PPFIA2: variants seen among roughly 807,000 people sequenced by gnomAD.
PPFIA2 encodes PPFI scaffold protein A2.
A neutral mutation model predicts 175.5 loss-of-function variants in PPFIA2; 46 were observed. That is an observed-to-expected ratio of 0.26 (90% CI 0.21 to 0.34). PPFIA2 has a LOEUF of 0.34. Among genes scored for constraint, PPFIA2 ranks in the 10% least tolerant of loss-of-function variants. PPFIA2 has a pLI of 1.00. For synonymous variants in PPFIA2, 568 were observed against 511.4 expected (o/e 1.11, Z -1.49); for missense variants, 1,179 against 1,506.1 (o/e 0.78, Z 3.60).
chr12:81,593,840 G>A (rs535823504), intron 4 of PPFIA2, among the ~76,000 whole-genome samples: 1 of 152,164 alleles, frequency 6.6e-6, no homozygotes, highest in Non-Finnish European at 1.5e-5. Flanking sequence ...TTTATGCCAA[G>A]CTGGGAAGAT....
intron 4 of PPFIA2, among the ~76,000 whole-genome samples, chr12:81,617,427 C>T (rs760557436): frequency 2.6e-5 from 4 of 152,118 alleles, no homozygotes; most frequent in Admixed American, 6.5e-5. Flanking sequence ...GCAAGTTATT[C>T]ACATGTTATT....
At chr12:81,630,881 CTATATATATATA>C (rs67242917) in intron 4 of PPFIA2, among the ~76,000 whole-genome samples, 1 of 140,664 alleles carries the variant, frequency 7.1e-6, no homozygotes, top group Non-Finnish European at 1.5e-5. Flanking sequence ...TATGGAAAGG[CTATATATATATA>C]TATATATTTT....
chr12:81,575,237 T>C lies in PPFIA2; in HGVS notation c.303+101554A>G, dbSNP rs1595140306. 2.6e-5 allele frequency among the ~76,000 whole-genome samples: 4 copies of C among 151,968 alleles called. 1 individual carries two copies. The South Asian group carries it at 8.3e-4, about 31-fold the overall frequency. On this transcript the variant is annotated intron_variant, in intron 4 of 32. Transcript: ENST00000549396. ...TAGTTTCTGAAAGTGAAGATATATG[T>C]ATTTAAGATATCTGGAAACTATAGA...
chr12:81,417,658 A>T (rs1473076140), intron 7 of PPFIA2, among the ~76,000 whole-genome samples: 1 of 151,760 alleles, frequency 6.6e-6, no homozygotes, highest in African/African-American at 2.4e-5. Context: ...CATTTACTTC[A>T]GTTCTAATGG....
chr12:81,559,032 T>C (rs955725570), intron 4 of PPFIA2, among the ~76,000 whole-genome samples: 27 of 152,182 alleles, frequency 1.8e-4, no homozygotes, highest in African/African-American at 6.5e-4. Flanking sequence ...TCAGAGTTAA[T>C]AGCCCTGAAA....
In PPFIA2 at chr12:81,259,626, T is replaced by C. The variant is rs2034674599; in HGVS notation, c.*68A>G. On this transcript the variant is annotated 3_prime_UTR_variant, in exon 33 of 33. Coordinates refer to ENST00000549396, the MANE Select transcript of PPFIA2 (RefSeq NM_003625.5). The stretch of plus-strand genomic sequence containing the variant: ...CACTGCTCGTCTTCTTAGATGGTAG[T>C]GCACTTTAGGTAGAGTAGACTGAAA... 1.3e-6 allele frequency: 2 copies of C among 1,533,440 alleles called. No homozygotes were observed. Among genetic ancestry groups the C allele is most frequent in the South Asian group, 1.2e-5 (1 of 83,980 alleles). 95.0% of individuals were successfully genotyped at this position (1,533,440 alleles called of 1,614,324 possible).
At chr12:81,301,207 A>G (rs1312940862) in intron 22 of PPFIA2, among the ~76,000 whole-genome samples, 1 of 152,066 alleles carries the variant, frequency 6.6e-6, no homozygotes, top group East Asian at 1.9e-4. Flanking sequence ...TTAACATGAA[A>G]TACGTGGAAG....
intron 4 of PPFIA2, among the ~76,000 whole-genome samples, chr12:81,533,114 A>G (rs2064832387): frequency 1.3e-5 from 2 of 151,706 alleles, no homozygotes; most frequent in African/African-American, 4.8e-5. Context: ...CAGTGTTACC[A>G]ATATCTTGGT....
intron 4 of PPFIA2, among the ~76,000 whole-genome samples, chr12:81,486,110 T>G (rs150454870): frequency 3.0e-4 from 46 of 152,042 alleles, no homozygotes; most frequent in Non-Finnish European, 6.0e-4. Context: ...ATAGTAAATA[T>G]AATTTCACTA....
intron 4 of PPFIA2, among the ~76,000 whole-genome samples, chr12:81,516,402 T>C (rs550733990): frequency 3.3e-5 from 5 of 152,310 alleles, no homozygotes; most frequent in African/African-American, 1.2e-4. Flanking sequence ...TTCACTTTGT[T>C]GTTATGGGTT....
intron 3 of PPFIA2, among the ~76,000 whole-genome samples, chr12:81,715,658 T>C (rs1304961376): frequency 6.6e-6 from 1 of 151,772 alleles, no homozygotes; most frequent in Non-Finnish European, 1.5e-5. Context: ...ATGAGAAATA[T>C]ATTTGTAATT....
intron 4 of PPFIA2, among the ~76,000 whole-genome samples, chr12:81,602,876 A>G (rs1283930686): frequency 6.6e-6 from 1 of 151,828 alleles, no homozygotes; most frequent in African/African-American, 2.4e-5. Context: ...GCAAATATCC[A>G]TGTCCTTGTA....
At chr12:81,304,428 C>A (rs1173761492) in intron 22 of PPFIA2, among the ~76,000 whole-genome samples, 2 of 152,126 alleles carry the variant, frequency 1.3e-5, no homozygotes, top group Non-Finnish European at 2.9e-5. Context: ...TTTGTATAAA[C>A]ACATATACAC....
At chr12:81,270,978 A>T (rs904152113) in intron 28 of PPFIA2, 1 of 152,332 alleles carries the variant, frequency 6.6e-6, no homozygotes, top group Non-Finnish European at 1.5e-5. Context: ...TAAAGTTTAT[A>T]TTCTGATATT....
In PPFIA2 at chr12:81,432,154, ATGGCATAAAG is replaced by A. The variant is rs562856071; in HGVS notation, c.645+7808_645+7817del. Among the ~76,000 whole-genome samples the A allele has an allele frequency of 2.3e-4, 35 of 152,326 alleles. No homozygotes were observed. In the East Asian group the frequency reaches 6.4e-3, roughly 28 times the overall value. On this transcript the variant is annotated intron_variant, in intron 7 of 32. Transcript: ENST00000549396. ...AAGTGTGCCCTTTAAGTACTACTCA[ATGGCATAAAG>A]TACATTCACATTGTTAATCAGCCAT...
chr12:81,565,832 A>G (rs529376760), intron 4 of PPFIA2, among the ~76,000 whole-genome samples: 52 of 152,300 alleles, frequency 3.4e-4, no homozygotes, highest in African/African-American at 1.1e-3. Flanking sequence ...CAAAAATGTC[A>G]TGGGTAATGC....
chr12:81,484,231 T>TA lies in PPFIA2; in HGVS notation c.304-26366dup, dbSNP rs148164391. On this transcript the variant is annotated intron_variant, in intron 4 of 32. Coordinates refer to ENST00000549396, the MANE Select transcript of PPFIA2 (RefSeq NM_003625.5). Reference sequence around the variant, plus strand: ...TCTTGAGGTGGCTGTAATGGACAAATAAAAAAAAATAGTCCACACTATTTT... The same window carrying TA: ...TCTTGAGGTGGCTGTAATGGACAAATAAAAAAAAAATAGTCCACACTATTTT... 2.4e-4 allele frequency among the ~76,000 whole-genome samples: 36 copies of TA among 150,824 alleles called. 1 individual carries two copies. In the East Asian group the frequency reaches 4.5e-3, roughly 19 times the overall value.
intron 4 of PPFIA2, among the ~76,000 whole-genome samples, chr12:81,619,597 A>G (rs1328285754): frequency 6.6e-6 from 1 of 152,174 alleles, no homozygotes; most frequent in Non-Finnish European, 1.5e-5. Flanking sequence ...ATTTTTGCAA[A>G]CAAAATGCTA....
chr12:81,694,070 TA>T (rs985194439), intron 3 of PPFIA2, among the ~76,000 whole-genome samples: 1 of 152,100 alleles, frequency 6.6e-6, no homozygotes, highest in Non-Finnish European at 1.5e-5. Flanking sequence ...AATTTATGTT[TA>T]AAAAAACAAT....
Sources: allele counts gnomAD v4.1 joint callset (sites outside exome capture counted in the v4.1 genomes callset), GRCh38; gene constraint gnomAD v4.1.1; transcripts MANE v1.5; gene names NCBI Gene and HGNC (gene_info 2026-07-23, HGNC 2026-07-21).